MRTFA: variants seen among roughly 807,000 people sequenced by gnomAD.
MRTFA encodes myocardin related transcription factor A, also known as myocardin-related transcription factor A.
MRTFA carries 20 observed loss-of-function variants against 83.5 expected under a neutral mutation model. The observed-to-expected ratio is 0.24, with a 90% CI of 0.17 to 0.35. The LOEUF is 0.35. Ranked by LOEUF, MRTFA falls within the 10% of genes least tolerant of loss-of-function variation. The pLI is 1.00. For missense variants in MRTFA, 1,200 were observed against 1,224.7 expected, an observed-to-expected ratio of 0.98 and a Z score of 0.30; for synonymous variants, 659 against 541.2, an observed-to-expected ratio of 1.22 and a Z score of -3.02.
chr22:40,512,937 A>C (rs2054691498), intron 3 of MRTFA, among the ~76,000 whole-genome samples: 1 of 152,356 alleles, frequency 6.6e-6, no homozygotes, highest in South Asian at 2.1e-4. Flanking sequence ...GTTAAACTAT[A>C]AATTCTCTAA....
chr22:40,460,495 G>A (rs980464654), intron 4 of MRTFA, among the ~76,000 whole-genome samples: 3 of 152,206 alleles, frequency 2.0e-5, no homozygotes, highest in Admixed American at 1.3e-4. Flanking sequence ...GTATGGGTAC[G>A]TTTTGGCAGC....
chr22:40,573,229 C>A (rs2055822390), intron 2 of MRTFA, among the ~76,000 whole-genome samples: 1 of 152,042 alleles, frequency 6.6e-6, no homozygotes, highest in Admixed American at 6.6e-5. Flanking sequence ...CTGGAAACCA[C>A]TGAATTGTAT....
At chr22:40,463,335 C>G in intron 3 of MRTFA, 49 bp from the exon 4 acceptor site, 1 of 1,504,196 alleles carries the variant, frequency 6.6e-7, no homozygotes, top group Non-Finnish European at 9.2e-7. Flanking sequence ...GTTGGGTATT[C>G]CACCTCAAAA....
intron 4 of MRTFA, among the ~76,000 whole-genome samples, chr22:40,462,373 G>C (rs1296949893): frequency 6.6e-6 from 1 of 152,218 alleles, no homozygotes; most frequent in Non-Finnish European, 1.5e-5. Flanking sequence ...AGGAAAATAT[G>C]GTAGCAGTCA....
At chr22:40,592,810 G>A (rs138832335) in intron 2 of MRTFA, among the ~76,000 whole-genome samples, 128 of 152,206 alleles carry the variant, frequency 8.4e-4, no homozygotes, top group African/African-American at 2.9e-3. Context: ...TTCTTTACAA[G>A]CATAATGACA....
intron 4 of MRTFA, among the ~76,000 whole-genome samples, chr22:40,442,303 A>T (rs2053291812): frequency 6.6e-6 from 1 of 152,230 alleles, no homozygotes; most frequent in South Asian, 2.1e-4. Context: ...TTCTGTAACC[A>T]GAGGAACTCA....
chr22:40,616,068 T>G (rs1233868278), intron 1 of MRTFA, among the ~76,000 whole-genome samples: 1 of 152,272 alleles, frequency 6.6e-6, no homozygotes, highest in Non-Finnish European at 1.5e-5. Flanking sequence ...ATTTTTAAAA[T>G]TTAAATTGTT....
intron 2 of MRTFA, among the ~76,000 whole-genome samples, chr22:40,578,353 T>A (rs1043827454): frequency 6.6e-6 from 1 of 152,078 alleles, no homozygotes; most frequent in Non-Finnish European, 1.5e-5. Context: ...AAACTCAATC[T>A]AAAATATAAA....
chr22:40,526,994 G>A (rs1044915356), intron 3 of MRTFA, among the ~76,000 whole-genome samples: 1 of 151,832 alleles, frequency 6.6e-6, no homozygotes, highest in South Asian at 2.1e-4. Flanking sequence ...GGGTGCAGCG[G>A]TACACGCCTG....
At chr22:40,606,661 T>C (rs2056322043) in intron 1 of MRTFA, among the ~76,000 whole-genome samples, 1 of 152,222 alleles carries the variant, frequency 6.6e-6, no homozygotes, top group Non-Finnish European at 1.5e-5. Flanking sequence ...TGCATGTGTA[T>C]ATGCTTCATC....
At chr22:40,561,018 A>T (rs888919913) in intron 2 of MRTFA, among the ~76,000 whole-genome samples, 2 of 152,232 alleles carry the variant, frequency 1.3e-5, no homozygotes, top group African/African-American at 4.8e-5. Flanking sequence ...ATTTTTTTTA[A>T]ACAATTGGTA....
chr22:40,503,950 C>T (rs73167101), intron 3 of MRTFA, among the ~76,000 whole-genome samples: 12,497 of 151,866 alleles, frequency 0.082, 794 homozygotes, highest in East Asian at 0.25. Flanking sequence ...TCCCAGGATA[C>T]TTAAAAAATA....
At chr22:40,420,672 G>A in intron 10 of MRTFA, 96 bp from the exon 11 acceptor site, 1 of 1,550,772 alleles carries the variant, frequency 6.4e-7, no homozygotes, top group South Asian at 1.2e-5. Context: ...GGTACAGATG[G>A]GCATGGGGCA....
chr22:40,551,039 C>T (rs940637676), intron 3 of MRTFA, among the ~76,000 whole-genome samples: 1 of 150,200 alleles, frequency 6.7e-6, no homozygotes, highest in East Asian at 2.0e-4. Context: ...TTAGTAAAGA[C>T]GGGGTTTCTC....
At chr22:40,499,914 C>CCT (rs2054427943) in intron 3 of MRTFA, among the ~76,000 whole-genome samples, 1 of 84,928 alleles carries the variant, frequency 1.2e-5, no homozygotes, top group Admixed American at 1.7e-4. Flanking sequence ...TCAAGTAGAC[C>CCT]TTTTTTTTTT....
chr22:40,434,471 C>T (rs976347857), intron 5 of MRTFA, among the ~76,000 whole-genome samples: 2 of 151,942 alleles, frequency 1.3e-5, no homozygotes, highest in Non-Finnish European at 2.9e-5. Context: ...CCTGTAATCC[C>T]AGGACTTTGG....
chr22:40,464,524 GA>G (rs538468753), intron 3 of MRTFA, among the ~76,000 whole-genome samples: 1 of 150,346 alleles, frequency 6.7e-6, no homozygotes, highest in Non-Finnish European at 1.5e-5. Context: ...AAAAAAGAAA[GA>G]AAAAAAAGAA....
chr22:40,529,248 T>TA (rs1473162693), intron 3 of MRTFA, among the ~76,000 whole-genome samples: 4 of 152,298 alleles, frequency 2.6e-5, no homozygotes, highest in Admixed American at 6.5e-5. Flanking sequence ...AAATAGAAGT[T>TA]AAAAAAATGC....
At chr22:40,457,442 GAAAGAA>G (rs1482894068) in intron 4 of MRTFA, among the ~76,000 whole-genome samples, 4 of 115,566 alleles carry the variant, frequency 3.5e-5, no homozygotes, top group African/African-American at 1.4e-4. Context: ...GAAAGAGAAA[GAAAGAA>G]AGAAAGAAAG....
Sources: allele counts gnomAD v4.1 joint callset (sites outside exome capture counted in the v4.1 genomes callset), GRCh38; gene constraint gnomAD v4.1.1; transcripts MANE v1.5; gene names NCBI Gene and HGNC (gene_info 2026-07-23, HGNC 2026-07-21).